The following KLRG1 variants were observed in gnomAD, a reference collection of about 807,000 sequenced individuals.
The protein encoded by KLRG1 is killer cell lectin-like receptor subfamily G member 1.
KLRG1 carries 16 observed loss-of-function variants against 21.8 expected under a neutral mutation model. The observed-to-expected ratio is 0.73, with a 90% CI of 0.50 to 1.11. The LOEUF (loss-of-function observed/expected upper bound fraction) is 1.11, where lower values mean the gene tolerates loss of function less well. Ranked by LOEUF, KLRG1 falls within the 50% of genes most tolerant of loss-of-function variation. KLRG1 has a pLI of 0.00. For missense variants in KLRG1, 173 were observed against 218.3 expected, an observed-to-expected ratio of 0.79 and a Z score of 1.31; for synonymous variants, 69 against 75.9, an observed-to-expected ratio of 0.91 and a Z score of 0.47.
At chr12:9,068,781 A>G in the KLRG1 span, 2 of 1,609,284 alleles carry the variant, frequency 1.2e-6, no homozygotes, top group Non-Finnish European at 1.7e-6. Context: ...GGCTGGTTTC[A>G]GATCTCTTAC....
chr12:8,989,845 T>C, intron 1 of KLRG1, 128 bp downstream of exon 1: 1 of 624,510 alleles, frequency 1.6e-6, no homozygotes, highest in Non-Finnish European at 2.8e-6. Context: ...ATACTTTTGG[T>C]TCAGTTTAAA....
downstream of KLRG1, among the ~76,000 whole-genome samples, chr12:9,015,121 G>T (rs757797414): frequency 5.9e-5 from 9 of 152,148 alleles, no homozygotes; most frequent in East Asian, 1.7e-3. Context: ...CCGCAAAACA[G>T]CAAGAAGACA....
the KLRG1 span, among the ~76,000 whole-genome samples, chr12:9,196,011 C>T: frequency 6.6e-6 from 1 of 152,086 alleles, no homozygotes; most frequent in African/African-American, 2.4e-5. Flanking sequence ...AATTCTGATG[C>T]TGCCCAGGTC....
At chr12:9,119,211 T>A in the KLRG1 span, among the ~76,000 whole-genome samples, 1 of 152,340 alleles carries the variant, frequency 6.6e-6, no homozygotes, top group African/African-American at 2.4e-5. Context: ...TGATTCATAA[T>A]GTAACATAAT....
chr12:9,148,791 C>G, the KLRG1 span: 1 of 575,922 alleles, frequency 1.7e-6, no homozygotes, highest in Admixed American at 3.4e-5. Context: ...TATAACTCAT[C>G]ATGTGAACAT....
the KLRG1 span, among the ~76,000 whole-genome samples, chr12:9,049,458 G>A: frequency 6.6e-6 from 1 of 152,236 alleles, no homozygotes; most frequent in East Asian, 1.9e-4. Flanking sequence ...AAAAATAAAG[G>A]GATGTGGTAT....
the KLRG1 span, among the ~76,000 whole-genome samples, chr12:9,126,175 G>C: frequency 1.3e-5 from 2 of 152,280 alleles, no homozygotes; most frequent in African/African-American, 4.8e-5. Context: ...AGAAATATTA[G>C]AGATTATTAT....
the KLRG1 span, among the ~76,000 whole-genome samples, chr12:9,082,350 C>T: frequency 1.3e-5 from 2 of 152,164 alleles, no homozygotes; most frequent in African/African-American, 4.8e-5. Flanking sequence ...TGACCAGAGG[C>T]CATTGTAGTA....
At chr12:9,118,947 G>C in the KLRG1 span, among the ~76,000 whole-genome samples, 2 of 152,198 alleles carry the variant, frequency 1.3e-5, no homozygotes, top group Non-Finnish European at 2.9e-5. Flanking sequence ...CAGAGTTACA[G>C]GGAATGCTCT....
chr12:9,091,303 G>C, the KLRG1 span: 1 of 1,614,060 alleles, frequency 6.2e-7, no homozygotes, highest in Non-Finnish European at 8.5e-7. Flanking sequence ...AGAAGGGCTG[G>C]AAGGCTCGGA....
At chr12:9,013,337 A>T (rs1947657643), downstream of KLRG1, among the ~76,000 whole-genome samples, 1 of 152,250 alleles carries the variant, frequency 6.6e-6, no homozygotes, top group Non-Finnish European at 1.5e-5. Context: ...ACAAGCATCA[A>T]GACCATCGAG....
chr12:9,109,916 C>G, the KLRG1 span: 1 of 1,613,690 alleles, frequency 6.2e-7, no homozygotes, highest in Non-Finnish European at 8.5e-7. Context: ...CTGATTTCTT[C>G]TGTACCACCA....
At chr12:9,193,083 T>C in the KLRG1 span, among the ~76,000 whole-genome samples, 1 of 152,240 alleles carries the variant, frequency 6.6e-6, no homozygotes, top group Non-Finnish European at 1.5e-5. Flanking sequence ...ATGAATTGGC[T>C]TAATTAAAAT....
the KLRG1 span, chr12:9,027,633 G>T: frequency 1.1e-6 from 1 of 884,924 alleles, no homozygotes; most frequent in Non-Finnish European, 1.9e-6. Flanking sequence ...ACAGGGGCCA[G>T]AGCTTCTGAC....
At chr12:9,098,359 C>T in the KLRG1 span, 476 of 208,670 alleles carry the variant, frequency 2.3e-3, 2 homozygotes, top group African/African-American at 0.01. Flanking sequence ...ACATTTTGTC[C>T]TTTTAAAAAT....
chr12:9,148,148 C>T, the KLRG1 span, among the ~76,000 whole-genome samples: 1 of 152,032 alleles, frequency 6.6e-6, no homozygotes, highest in Non-Finnish European at 1.5e-5. Flanking sequence ...TTACCATGTA[C>T]AACGTTTTGA....
At chr12:9,100,648 T>G in the KLRG1 span, among the ~76,000 whole-genome samples, 8 of 152,152 alleles carry the variant, frequency 5.3e-5, no homozygotes, top group South Asian at 6.2e-4. Context: ...TGATAAAGGG[T>G]GAGAAAAAAA....
chr12:8,961,041 CCATT>C (rs1946373752), intron 1 of KLRG1, among the ~76,000 whole-genome samples: 1 of 65,980 alleles, frequency 1.5e-5, no homozygotes, highest in Non-Finnish European at 4.7e-5. Flanking sequence ...ATTATTATTT[CCATT>C]TTACATAAGG....
the KLRG1 span, among the ~76,000 whole-genome samples, chr12:9,047,377 T>A: frequency 1.3e-5 from 2 of 152,212 alleles, no homozygotes; most frequent in African/African-American, 4.8e-5. Flanking sequence ...TAGTTGTAAA[T>A]GTATATTGCA....
Sources: allele counts gnomAD v4.1 joint callset (sites outside exome capture counted in the v4.1 genomes callset), GRCh38; gene constraint gnomAD v4.1.1; transcripts MANE v1.5; gene names NCBI Gene and HGNC (gene_info 2026-07-23, HGNC 2026-07-21).